The following CDK5RAP2 variants were observed in gnomAD, a reference collection of about 807,000 sequenced individuals.
CDK5RAP2 encodes CDK5 regulatory subunit associated protein 2, also known as CDK5 regulatory subunit-associated protein 2.
In CDK5RAP2, 147 loss-of-function variants were observed where a neutral mutation model predicts 232.9. The ratio of observed to expected loss-of-function variants is 0.63; its 90% CI spans 0.55 to 0.72. The LOEUF is 0.72. Ranked by LOEUF, CDK5RAP2 falls within the 30% of genes least tolerant of loss-of-function variation. CDK5RAP2 has a pLI of 0.00. For synonymous variants in CDK5RAP2, 833 were observed against 833.7 expected, an observed-to-expected ratio of 1.00 and a Z score of 0.01; for missense variants, 2,195 against 2,231.5, an observed-to-expected ratio of 0.98 and a Z score of 0.33.
chr9:120,531,018 GAAAAAATA>G (rs1219321323), intron 7 of CDK5RAP2, among the ~76,000 whole-genome samples: 21 of 151,904 alleles, frequency 1.4e-4, no homozygotes, highest in East Asian at 5.8e-4. Flanking sequence ...TAAAAAAAAG[GAAAAAATA>G]AAAAAATAAA....
intron 11 of CDK5RAP2, among the ~76,000 whole-genome samples, chr9:120,519,411 G>T (rs531386050): frequency 2.7e-4 from 41 of 151,692 alleles, no homozygotes; most frequent in African/African-American, 8.5e-4. Flanking sequence ...AATCAGAATG[G>T]ACTCATTTGT....
chr9:120,530,279 AG>A (rs2041092184), intron 7 of CDK5RAP2, 139 bp from the exon 8 acceptor site: 1 of 647,342 alleles, frequency 1.5e-6, no homozygotes, highest in Non-Finnish European at 2.7e-6. Flanking sequence ...CACATTTTGC[AG>A]GTAGGAGATT....
intron 18 of CDK5RAP2, among the ~76,000 whole-genome samples, chr9:120,467,504 T>TC (rs776672052): frequency 1.2e-4 from 19 of 152,138 alleles, no homozygotes; most frequent in Non-Finnish European, 2.6e-4. Flanking sequence ...GTTAGAGACC[T>TC]CCCCAGGAAC....
At chr9:120,496,686 TG>T (rs1337666319) in intron 12 of CDK5RAP2, among the ~76,000 whole-genome samples, 3 of 102,190 alleles carry the variant, frequency 2.9e-5, no homozygotes, top group Admixed American at 2.1e-4. Context: ...GGGAGGGAGG[TG>T]GGGGGGTCAG....
At chr9:120,512,989 A>C (rs1296839093) in intron 12 of CDK5RAP2, among the ~76,000 whole-genome samples, 1 of 152,198 alleles carries the variant, frequency 6.6e-6, no homozygotes, top group Non-Finnish European at 1.5e-5. Flanking sequence ...CAAGACCTGT[A>C]TTTTGGACAT....
At chr9:120,506,778 C>T (rs570837914) in intron 12 of CDK5RAP2, among the ~76,000 whole-genome samples, 8 of 152,214 alleles carry the variant, frequency 5.3e-5, no homozygotes, top group Admixed American at 1.3e-4. Flanking sequence ...TGAACAGATA[C>T]GGAATTACTT....
intron 35 of CDK5RAP2, among the ~76,000 whole-genome samples, chr9:120,397,544 T>TTAAAAAAA (rs2032590582): frequency 2.0e-5 from 1 of 49,196 alleles, no homozygotes; most frequent in African/African-American, 8.8e-5. Context: ...AAAACATTCT[T>TTAAAAAAA]AAAAAAAAAA....
intron 3 of CDK5RAP2, among the ~76,000 whole-genome samples, chr9:120,563,879 C>T (rs1219896081): frequency 2.0e-5 from 3 of 152,214 alleles, no homozygotes; most frequent in East Asian, 1.9e-4. Context: ...CCAACTGCCT[C>T]GGCTGAGGCC....
At chr9:120,570,380 A>T (rs1490506175) in intron 2 of CDK5RAP2, among the ~76,000 whole-genome samples, 1 of 152,116 alleles carries the variant, frequency 6.6e-6, no homozygotes, top group Admixed American at 6.6e-5. Flanking sequence ...TCTCCCTTTA[A>T]TCCCCTCTCA....
intron 12 of CDK5RAP2, 124 bp from the exon 13 acceptor site, chr9:120,491,601 G>A: frequency 1.5e-6 from 1 of 646,302 alleles, no homozygotes; most frequent in Non-Finnish European, 2.7e-6. Flanking sequence ...GAGTATACAA[G>A]TGTATATTTA....
At chr9:120,434,860 T>A (rs185329106) in intron 25 of CDK5RAP2, among the ~76,000 whole-genome samples, 104 of 152,200 alleles carry the variant, frequency 6.8e-4, no homozygotes, top group African/African-American at 2.5e-3. Context: ...AGTGGAGGGG[T>A]TGAGATAACT....
chr9:120,553,991 G>A (rs1174596267), intron 3 of CDK5RAP2, among the ~76,000 whole-genome samples: 2 of 152,116 alleles, frequency 1.3e-5, no homozygotes, highest in African/African-American at 4.8e-5. Flanking sequence ...ATTATTAAAA[G>A]TCAATTCATC....
intron 25 of CDK5RAP2, among the ~76,000 whole-genome samples, chr9:120,424,496 T>C (rs1418955068): frequency 6.6e-6 from 1 of 152,168 alleles, no homozygotes; most frequent in East Asian, 1.9e-4. Context: ...GGGACAACTG[T>C]GTGTTAAAAG....
chr9:120,560,264 G>A (rs2042414397), intron 3 of CDK5RAP2, among the ~76,000 whole-genome samples: 1 of 152,182 alleles, frequency 6.6e-6, no homozygotes, highest in African/African-American at 2.4e-5. Context: ...TCCCTCACAG[G>A]GGTGTTGTGA....
chr9:120,472,309 T>A (rs907668773), intron 15 of CDK5RAP2, among the ~76,000 whole-genome samples: 1 of 152,192 alleles, frequency 6.6e-6, no homozygotes, highest in Non-Finnish European at 1.5e-5. Context: ...ATTTCCAAAT[T>A]TTTGCTATAG....
At chr9:120,513,185 C>G (rs1442613779) in intron 12 of CDK5RAP2, among the ~76,000 whole-genome samples, 1 of 149,878 alleles carries the variant, frequency 6.7e-6, no homozygotes, top group African/African-American at 2.5e-5. Context: ...TTTTCTTTTT[C>G]CCCTATAACC....
chr9:120,471,838 G>A lies in CDK5RAP2; in HGVS notation c.1768C>T (p.Leu590=), dbSNP rs746071672. The change falls in exon 16 of 38, where the codon CTG becomes TTG. Residue 590 remains leucine (L), a synonymous_variant. Coordinates refer to ENST00000349780, the MANE Select transcript of CDK5RAP2 (RefSeq NM_018249.6). ...ACATCCTGCTCCAGTTGCTTCCGCA[G>A]GGCAAAAATCTTGTTTAACTCAGCC... The part of the protein sequence containing the change: ...LQAELNKIFA[L]RKQLEQDVLS... The A allele has an allele frequency of 3.7e-6, 6 of 1,613,988 alleles. No individual in the cohort carries two copies. The highest frequency in any genetic ancestry group is 1.7e-5 in the Admixed American group (1 of 60,006).
Position 120,555,136 on chromosome 9 carries a change from GGGGGGGGGT to G in CDK5RAP2, c.196-4243_196-4235del, listed in dbSNP as rs545980626. On this transcript the variant is annotated intron_variant, in intron 3 of 37. Coordinates refer to ENST00000349780, the MANE Select transcript of CDK5RAP2 (RefSeq NM_018249.6). ...CCTATTAGAATGGCTAAATTTTTTT[GGGGGGGGGT>G]GGGGGGCGGTGGGTAGACGGAGTCT... Among the ~76,000 whole-genome samples the G allele has an allele frequency of 2.9e-3, 399 of 136,678 alleles. 2 individuals are homozygous for G. Among genetic ancestry groups the G allele is most frequent in the Non-Finnish European group, 4.4e-3 (274 of 62,792 alleles). 89.7% of individuals were successfully genotyped at this position (136,678 alleles called of 152,430 possible). A position where few individuals can be genotyped will look rare whatever the true frequency, so the allele number is the denominator to read the frequency against.
At chr9:120,467,316 A>C (rs1036462394) in intron 18 of CDK5RAP2, among the ~76,000 whole-genome samples, 1 of 152,230 alleles carries the variant, frequency 6.6e-6, no homozygotes, top group East Asian at 1.9e-4. Flanking sequence ...CTGAGACCAC[A>C]TCGCTCATCC....
Sources: gnomAD v4.1 joint callset for allele counts (sites outside exome capture counted in the v4.1 genomes callset) on GRCh38, gnomAD v4.1.1 for gene constraint, MANE v1.5 for transcripts, NCBI Gene and HGNC (gene_info 2026-07-23, HGNC 2026-07-21) for gene names.